WDPCP: variants seen among roughly 807,000 people sequenced by gnomAD.
WDPCP encodes the protein WD repeat-containing and planar cell polarity effector protein fritz homolog.
A neutral mutation model predicts 93.1 loss-of-function variants in WDPCP; 71 were observed. The observed-to-expected ratio is 0.76, with a 90% CI of 0.63 to 0.93. WDPCP has a LOEUF of 0.93. Ranked by LOEUF, WDPCP falls within the 40% of genes least tolerant of loss-of-function variation. The probability of loss-of-function intolerance (pLI) is 0.00; values close to 1 mark genes in which losing one functional copy is unlikely to be tolerated. For missense variants in WDPCP, 844 were observed against 887.4 expected (o/e 0.95, Z 0.62); for synonymous variants, 315 against 315.0 (o/e 1.00, Z 0.00).
chr2:63,191,942 C>T (rs181194712), intron 14 of WDPCP, among the ~76,000 whole-genome samples: 5 of 152,248 alleles, frequency 3.3e-5, no homozygotes, highest in South Asian at 2.1e-4. Flanking sequence ...ACTATAGTGT[C>T]GGAGTTGAGT....
intron 2 of WDPCP, among the ~76,000 whole-genome samples, chr2:63,707,114 C>T (rs950230646): frequency 2.0e-5 from 3 of 152,062 alleles, no homozygotes; most frequent in Non-Finnish European, 2.9e-5. Context: ...CTTGGAGTTG[C>T]TCTTCTTGAA....
At chr2:63,506,807 A>G (rs557124209) in intron 1 of WDPCP, among the ~76,000 whole-genome samples, 3 of 152,242 alleles carry the variant, frequency 2.0e-5, no homozygotes, top group African/African-American at 7.2e-5. Context: ...GTGAGAGGTT[A>G]TATCAGAGCA....
chr2:63,494,673 T>C (rs528817730), intron 1 of WDPCP, among the ~76,000 whole-genome samples: 5 of 151,410 alleles, frequency 3.3e-5, no homozygotes, highest in Admixed American at 6.6e-5. Context: ...GTAATCCCAG[T>C]ACTTTGGGAG....
Position 63,311,861 on chromosome 2 carries a change from T to G in WDPCP, c.1812+1387A>C, listed in dbSNP as rs140524632. Among the ~76,000 whole-genome samples, 487 of 152,240 alleles carry G rather than the reference T, an allele frequency of 3.2e-3. 3 individuals are homozygous for G. Among genetic ancestry groups the G allele is most frequent in the African/African-American group, 0.011 (450 of 41,562 alleles). On this transcript the variant is annotated intron_variant, in intron 13 of 17. Transcript: ENST00000272321. ...AGAAATTTTACCAGGCACCAAACATTTAAATATTCATCTCTTTAGTTCTTA... is the reference window on the plus strand; with the variant it reads ...AGAAATTTTACCAGGCACCAAACATGTAAATATTCATCTCTTTAGTTCTTA...
intron 2 of WDPCP, among the ~76,000 whole-genome samples, chr2:63,794,142 T>C (rs993892123): frequency 6.6e-6 from 1 of 152,154 alleles, no homozygotes; most frequent in Non-Finnish European, 1.5e-5. Flanking sequence ...CCATTCTGAA[T>C]TGCTCTCTTT....
At chr2:63,761,564 T>C (rs190127165) in intron 2 of WDPCP, among the ~76,000 whole-genome samples, 12,139 of 151,874 alleles carry the variant, frequency 0.08, 646 homozygotes, top group Non-Finnish European at 0.13. Context: ...GGAGAGCCAG[T>C]CCAAGTGCCA....
intron 1 of WDPCP, among the ~76,000 whole-genome samples, chr2:63,583,899 C>A (rs964001713): frequency 6.6e-6 from 1 of 151,810 alleles, no homozygotes. Flanking sequence ...CAAGCCCAGG[C>A]GTTCTAGACC....
chr2:63,293,240 T>C (rs896799039), intron 13 of WDPCP, among the ~76,000 whole-genome samples: 3 of 152,132 alleles, frequency 2.0e-5, no homozygotes, highest in Non-Finnish European at 4.4e-5. Context: ...CAACTGCATA[T>C]ATGGGGAAAA....
chr2:63,823,553 T>C (rs185928192), intron 1 of WDPCP, among the ~76,000 whole-genome samples: 6 of 152,184 alleles, frequency 3.9e-5, no homozygotes, highest in African/African-American at 1.2e-4. Context: ...ACATAAAAGA[T>C]AGAAGATAGT....
chr2:63,225,351 G>A, intron 14 of WDPCP, among the ~76,000 whole-genome samples: 1 of 151,790 alleles, frequency 6.6e-6, no homozygotes, highest in Non-Finnish European at 1.5e-5. Flanking sequence ...AAGTAAAATG[G>A]TAGTGGTGGT....
intron 15 of WDPCP, among the ~76,000 whole-genome samples, chr2:63,170,312 A>C: frequency 1.4e-5 from 2 of 143,690 alleles, no homozygotes; most frequent in Non-Finnish European, 1.5e-5. Context: ...TCACTCTGTC[A>C]CCCTGGCTGG....
intron 2 of WDPCP, among the ~76,000 whole-genome samples, chr2:63,670,186 G>A (rs1558880142): frequency 6.6e-6 from 1 of 152,120 alleles, no homozygotes; most frequent in Admixed American, 6.5e-5. Flanking sequence ...CTAACATGAT[G>A]TAATTTTATG....
intron 14 of WDPCP, among the ~76,000 whole-genome samples, chr2:63,226,924 A>G (rs896110241): frequency 1.3e-5 from 2 of 152,062 alleles, no homozygotes; most frequent in South Asian, 2.1e-4. Flanking sequence ...TTTGGCCAGA[A>G]AGTGTTTATG....
chr2:63,268,406 T>C (rs1682340037), intron 13 of WDPCP, among the ~76,000 whole-genome samples: 1 of 152,214 alleles, frequency 6.6e-6, no homozygotes, highest in Admixed American at 6.5e-5. Flanking sequence ...ATTTACACTA[T>C]ATGATGACCA....
chr2:63,814,376 T>A (rs1006133634), intron 1 of WDPCP, among the ~76,000 whole-genome samples: 3 of 151,494 alleles, frequency 2.0e-5, no homozygotes, highest in African/African-American at 7.3e-5. Context: ...GAAAGATCTG[T>A]CCAGTCATAT....
intron 12 of WDPCP, among the ~76,000 whole-genome samples, chr2:63,330,611 TG>T (rs1188016774): frequency 1.3e-5 from 2 of 152,166 alleles, no homozygotes; most frequent in Admixed American, 1.3e-4. Context: ...TTATTTTTCC[TG>T]TTGTTGCCTA....
intron 6 of WDPCP, among the ~76,000 whole-genome samples, chr2:63,471,245 T>C (rs1053194204): frequency 2.0e-5 from 3 of 152,230 alleles, no homozygotes; most frequent in Non-Finnish European, 4.4e-5. Context: ...TGGTACTAAA[T>C]AAATATGCAT....
At chr2:63,684,812 A>G in intron 2 of WDPCP, 1 of 367,874 alleles carries the variant, frequency 2.7e-6, no homozygotes, top group African/African-American at 2.1e-5. Flanking sequence ...AAAATCAATA[A>G]TAATAGGAAT....
In WDPCP at chr2:63,357,774, A is replaced by G. The variant is rs185211717; in HGVS notation, c.1748+20612T>C. On this transcript the variant is annotated intron_variant, in intron 12 of 17. Coordinates refer to ENST00000272321, the MANE Select transcript of WDPCP (RefSeq NM_015910.7). ...TTACTGGGTATATACTCAGAGGAAT[A>G]TAAGTCATTCTACCATAAAGACACA... Among the ~76,000 whole-genome samples, 17 of 152,322 alleles carry G rather than the reference A, an allele frequency of 1.1e-4. No individual in the cohort carries two copies. The East Asian group carries it at 2.9e-3, about 26-fold the overall frequency.
Sources: gnomAD v4.1 joint callset for allele counts (sites outside exome capture counted in the v4.1 genomes callset) on GRCh38, gnomAD v4.1.1 for gene constraint, MANE v1.5 for transcripts, NCBI Gene and HGNC (gene_info 2026-07-23, HGNC 2026-07-21) for gene names.